CNTN3: variants seen among roughly 807,000 people sequenced by gnomAD.
The protein encoded by CNTN3 is contactin 3.
Under a neutral mutation model 119.1 loss-of-function variants are expected in CNTN3, and 60 were observed. The observed-to-expected ratio is 0.50, with a 90% CI of 0.41 to 0.62. CNTN3 has a LOEUF of 0.62. CNTN3 is among the 20% of genes least tolerant of loss of function. The pLI, the probability that CNTN3 is intolerant of heterozygous loss-of-function variation, is 0.00. For synonymous variants in CNTN3, 450 were observed against 438.7 expected (o/e 1.03, Z -0.32); for missense variants, 1,101 against 1,242.4 (o/e 0.89, Z 1.71).
intron 5 of CNTN3, among the ~76,000 whole-genome samples, chr3:74,402,813 A>G (rs1203263365): frequency 2.0e-5 from 3 of 152,212 alleles, no homozygotes; most frequent in Admixed American, 6.5e-5. Flanking sequence ...GCAATTCAGG[A>G]AAGTGGACCT....
At chr3:74,317,411 T>G (rs1702862385) in intron 13 of CNTN3, among the ~76,000 whole-genome samples, 1 of 152,196 alleles carries the variant, frequency 6.6e-6, no homozygotes, top group African/African-American at 2.4e-5. Flanking sequence ...GCTCGTTAGT[T>G]GATGCAGTTT....
Position 74,299,873 on chromosome 3 carries a change from A to G in CNTN3, c.2161T>C (p.Trp721Arg). The G allele has an allele frequency of 6.2e-7, 1 of 1,606,946 alleles. No individual in the cohort carries two copies. The highest frequency in any genetic ancestry group is 8.5e-7 in the Non-Finnish European group (1 of 1,176,886). The change falls in exon 17 of 23, where the codon TGG becomes CGG. Residue 721 changes from tryptophan (W) to arginine (R), a missense_variant. By Grantham distance (101) the Trp-to-Arg change is moderately radical (BLOSUM62 -3). Coordinates refer to ENST00000263665, the MANE Select transcript of CNTN3 (RefSeq NM_020872.3). ...GATGCTGCCCAAACACTTACATCCC[A>G]GGTTATCACAAGTTCAGACCGGCTT... ...GGSRSELVIT[W>R]DPVPEELQNG...
intron 5 of CNTN3, among the ~76,000 whole-genome samples, chr3:74,384,136 A>G (rs546507633): frequency 5.9e-5 from 9 of 152,340 alleles, no homozygotes; most frequent in Admixed American, 3.9e-4. Context: ...CTACTTAAAT[A>G]ATTTTCTTTC....
At chr3:74,502,144 T>C (rs934357671) in intron 2 of CNTN3, among the ~76,000 whole-genome samples, 11 of 152,160 alleles carry the variant, frequency 7.2e-5, no homozygotes, top group African/African-American at 2.7e-4. Context: ...CATTTTTTTC[T>C]GACAAATTCT....
chr3:74,318,187 A>G (rs1042113740), intron 13 of CNTN3, among the ~76,000 whole-genome samples: 2 of 152,110 alleles, frequency 1.3e-5, no homozygotes, highest in African/African-American at 2.4e-5. Flanking sequence ...TTTCAGCTCC[A>G]TCAGCTCCTT....
chr3:74,498,409 T>C (rs899838117), intron 3 of CNTN3, among the ~76,000 whole-genome samples: 1 of 151,872 alleles, frequency 6.6e-6, no homozygotes, highest in African/African-American at 2.4e-5. Context: ...TAAATAACTT[T>C]CTTATTTCTA....
chr3:74,434,687 G>C (rs1173757006), intron 4 of CNTN3, among the ~76,000 whole-genome samples: 1 of 152,142 alleles, frequency 6.6e-6, no homozygotes, highest in Non-Finnish European at 1.5e-5. Flanking sequence ...GGATAAGACA[G>C]CAATTACCTC....
chr3:74,372,153 C>T (rs1419636334), intron 5 of CNTN3, among the ~76,000 whole-genome samples: 2 of 152,090 alleles, frequency 1.3e-5, no homozygotes, highest in Non-Finnish European at 2.9e-5. Context: ...ACTTGTCTGT[C>T]CTCCTATCAC....
chr3:74,530,015 C>T (rs563171678), intron 1 of CNTN3, among the ~76,000 whole-genome samples: 3 of 152,152 alleles, frequency 2.0e-5, no homozygotes, highest in African/African-American at 7.2e-5. Context: ...CCAGACCATT[C>T]TGTTCCTCAC....
chr3:74,286,386 T>A (rs1362774772), intron 19 of CNTN3, among the ~76,000 whole-genome samples: 1 of 152,040 alleles, frequency 6.6e-6, no homozygotes. Context: ...TACTATGCAA[T>A]GACAGAAGAT....
At chr3:74,508,397 T>C (rs1224649427) in intron 2 of CNTN3, among the ~76,000 whole-genome samples, 1 of 152,114 alleles carries the variant, frequency 6.6e-6, no homozygotes, top group African/African-American at 2.4e-5. Flanking sequence ...AAATGGACTA[T>C]TACAACAACT....
intron 19 of CNTN3, among the ~76,000 whole-genome samples, chr3:74,289,000 T>C (rs754003732): frequency 1.3e-5 from 2 of 152,194 alleles, no homozygotes; most frequent in Non-Finnish European, 2.9e-5. Flanking sequence ...GCATGCCACA[T>C]GGCACATGAT....
chr3:74,604,098 C>G (rs1159731049), intron 1 of CNTN3, among the ~76,000 whole-genome samples: 1 of 152,028 alleles, frequency 6.6e-6, no homozygotes, highest in Non-Finnish European at 1.5e-5. Flanking sequence ...GGTGTTGGGA[C>G]AACTAGATTT....
At chr3:74,423,692 G>A (rs1402427795) in intron 5 of CNTN3, among the ~76,000 whole-genome samples, 1 of 152,176 alleles carries the variant, frequency 6.6e-6, no homozygotes, top group African/African-American at 2.4e-5. Context: ...CAAACTTAAA[G>A]TTCTTCTGAA....
intron 18 of CNTN3, 118 bp downstream of exon 18, chr3:74,297,839 C>T: frequency 1.4e-6 from 1 of 726,048 alleles, no homozygotes; most frequent in Non-Finnish European, 2.3e-6. Flanking sequence ...TAACTACTAC[C>T]TGGATGATTG....
At chr3:74,585,295 A>G (rs1036867697) in intron 1 of CNTN3, among the ~76,000 whole-genome samples, 1 of 152,182 alleles carries the variant, frequency 6.6e-6, no homozygotes, top group Non-Finnish European at 1.5e-5. Context: ...TCTGTATTGC[A>G]TTTACATACG....
chr3:74,576,341 A>T (rs1575840778), intron 1 of CNTN3, among the ~76,000 whole-genome samples: 1 of 152,200 alleles, frequency 6.6e-6, no homozygotes, highest in Non-Finnish European at 1.5e-5. Flanking sequence ...CCATCTCCAT[A>T]GCCTCTTCCT....
chr3:74,293,680 G>A (rs1179108439), intron 19 of CNTN3, among the ~76,000 whole-genome samples: 2 of 152,114 alleles, frequency 1.3e-5, no homozygotes, highest in African/African-American at 4.8e-5. Context: ...TCACTAAGTT[G>A]CCCAGGCCAG....
intron 2 of CNTN3, among the ~76,000 whole-genome samples, chr3:74,507,783 T>C (rs1703291725): frequency 6.6e-6 from 1 of 151,834 alleles, no homozygotes; most frequent in African/African-American, 2.4e-5. Flanking sequence ...AGGTGCCAGC[T>C]GCCACACCCG....
Sources: gnomAD v4.1 joint callset for allele counts (sites outside exome capture counted in the v4.1 genomes callset) on GRCh38, gnomAD v4.1.1 for gene constraint, MANE v1.5 for transcripts, NCBI Gene and HGNC (gene_info 2026-07-23, HGNC 2026-07-21) for gene names.